ROBO2: variants seen among roughly 807,000 people sequenced by gnomAD.
ROBO2 encodes roundabout homolog 2.
A neutral mutation model predicts 160.8 loss-of-function variants in ROBO2; 53 were observed. The observed-to-expected ratio is 0.33, with a 90% CI of 0.26 to 0.41. The LOEUF is 0.41. ROBO2 is among the 10% of genes least tolerant of loss of function. The pLI is 1.00. For missense variants in ROBO2, 1,577 were observed against 1,722.4 expected (o/e 0.92, Z 1.49); for synonymous variants, 664 against 611.7 (o/e 1.09, Z -1.26).
intron 1 of ROBO2, among the ~76,000 whole-genome samples, chr3:75,915,726 G>T (rs1218649252): frequency 6.6e-6 from 1 of 152,120 alleles, no homozygotes; most frequent in Non-Finnish European, 1.5e-5. Context: ...ATACATCAAT[G>T]GTGTAGAGAG....
At chr3:77,635,023 G>T in exon 24 of ROBO2, 1 of 1,613,984 alleles carries the variant, frequency 6.2e-7, no homozygotes. Flanking sequence ...TTGCCTCATC[G>T]AAGGGAAGGA....
intron 2 of ROBO2, among the ~76,000 whole-genome samples, chr3:76,584,449 T>A (rs2085903205): frequency 6.6e-6 from 1 of 152,110 alleles, no homozygotes; most frequent in Non-Finnish European, 1.5e-5. Flanking sequence ...CATGGGTCCC[T>A]GATCCAGTAT....
At chr3:76,974,905 T>C (rs865904926) in intron 2 of ROBO2, among the ~76,000 whole-genome samples, 5 of 152,068 alleles carry the variant, frequency 3.3e-5, no homozygotes, top group Middle Eastern at 3.2e-3. Flanking sequence ...ATGACCTCAC[T>C]TTCACATCTT....
At chr3:76,041,152 A>G (rs977716781) in intron 2 of ROBO2, among the ~76,000 whole-genome samples, 1 of 152,042 alleles carries the variant, frequency 6.6e-6, no homozygotes, top group Non-Finnish European at 1.5e-5. Flanking sequence ...TGCTGAGGCT[A>G]AGGAGATGTG....
chr3:76,644,925 C>T (rs1448466663), intron 2 of ROBO2, among the ~76,000 whole-genome samples: 2 of 152,172 alleles, frequency 1.3e-5, no homozygotes, highest in African/African-American at 4.8e-5. Context: ...GAAATGGGCA[C>T]TCAGAATTTT....
chr3:76,725,482 A>G (rs169121), intron 2 of ROBO2, among the ~76,000 whole-genome samples: 1 of 151,910 alleles, frequency 6.6e-6, no homozygotes, highest in East Asian at 1.9e-4. Flanking sequence ...AAGTGATTAT[A>G]CTTGTCTCTA....
intron 7 of ROBO2, among the ~76,000 whole-genome samples, chr3:77,549,086 G>T (rs1274470169): frequency 6.6e-6 from 1 of 151,990 alleles, no homozygotes; most frequent in South Asian, 2.1e-4. Context: ...GGCGGGAAGA[G>T]CTGTGAAGTT....
chr3:77,610,618 G>GA (rs2094609561), intron 21 of ROBO2, among the ~76,000 whole-genome samples: 1 of 151,680 alleles, frequency 6.6e-6, no homozygotes, highest in African/African-American at 2.4e-5. Context: ...AAGATAGCAA[G>GA]AAAACGTCTC....
intron 1 of ROBO2, among the ~76,000 whole-genome samples, chr3:77,070,212 C>G (rs1301385592): frequency 1.3e-5 from 2 of 152,136 alleles, no homozygotes; most frequent in Non-Finnish European, 2.9e-5. Context: ...TGGATTTGGA[C>G]TTCGTAGCCT....
At chr3:77,327,999 G>T (rs2065596108) in intron 2 of ROBO2, among the ~76,000 whole-genome samples, 2 of 147,702 alleles carry the variant, frequency 1.4e-5, no homozygotes, top group Non-Finnish European at 3.0e-5. Flanking sequence ...AGAGGCAGAG[G>T]TTGCAGTGAG....
chr3:76,665,965 T>C (rs928005459), intron 2 of ROBO2, among the ~76,000 whole-genome samples: 31 of 141,562 alleles, frequency 2.2e-4, no homozygotes, highest in African/African-American at 6.5e-4. Context: ...TATATACATA[T>C]AATATATATA....
At chr3:75,975,468 A>T (rs2065111704) in intron 2 of ROBO2, among the ~76,000 whole-genome samples, 1 of 151,306 alleles carries the variant, frequency 6.6e-6, no homozygotes, top group African/African-American at 2.4e-5. Flanking sequence ...TTATTTATAT[A>T]TATTAATATA....
intron 2 of ROBO2, among the ~76,000 whole-genome samples, chr3:76,322,181 T>C (rs1312098388): frequency 3.3e-4 from 19 of 58,296 alleles, no homozygotes. Flanking sequence ...TATATATATA[T>C]ATATATATAT....
intron 2 of ROBO2, among the ~76,000 whole-genome samples, chr3:77,351,291 A>G (rs904571732): frequency 2.0e-5 from 3 of 152,216 alleles, no homozygotes; most frequent in African/African-American, 7.2e-5. Flanking sequence ...TTGTGATGGC[A>G]TAAGAACACC....
In ROBO2 at chr3:76,226,009, G is replaced by A. The variant is rs547924494; in HGVS notation, c.109+288407G>A. On this transcript the variant is annotated intron_variant, in intron 2 of 26. Coordinates refer to the ROBO2 transcript ENST00000487694. ...CCAAATGTGGAGATAAAGGGTGTTT[G>A]TCCAAAATAACAGTGCATTTTTAAT... is the stretch of plus-strand genomic sequence containing the variant. 7.2e-5 allele frequency among the ~76,000 whole-genome samples: 11 copies of A among 152,162 alleles called. No individual in the cohort carries two copies. The South Asian group carries it at 2.3e-3, about 32-fold the overall frequency.
intron 2 of ROBO2, among the ~76,000 whole-genome samples, chr3:76,009,531 C>T (rs1185551336): frequency 6.6e-6 from 1 of 152,134 alleles, no homozygotes; most frequent in African/African-American, 2.4e-5. Context: ...GAACCCAATG[C>T]TCTGGGGTAG....
chr3:76,413,130 G>T (rs2075581812), intron 2 of ROBO2, among the ~76,000 whole-genome samples: 1 of 152,206 alleles, frequency 6.6e-6, no homozygotes, highest in African/African-American at 2.4e-5. Context: ...CATGGCTGGA[G>T]CAGCTGGAAC....
At chr3:77,192,818 G>C (rs934862028) in intron 2 of ROBO2, among the ~76,000 whole-genome samples, 3 of 151,228 alleles carry the variant, frequency 2.0e-5, no homozygotes, top group African/African-American at 7.3e-5. Context: ...GCTTATTTTT[G>C]TATTTTTGTA....
chr3:76,075,155 G>A (rs1241948816), intron 2 of ROBO2, among the ~76,000 whole-genome samples: 1 of 151,784 alleles, frequency 6.6e-6, no homozygotes, highest in Non-Finnish European at 1.5e-5. Flanking sequence ...ATTGTCCTCT[G>A]CTTGTGTGGA....
Sources: allele counts gnomAD v4.1 joint callset (sites outside exome capture counted in the v4.1 genomes callset), GRCh38; gene constraint gnomAD v4.1.1; transcripts MANE v1.5; gene names NCBI Gene and HGNC (gene_info 2026-07-23, HGNC 2026-07-21).